Variants in EYA1 observed in about 807,000 individuals in gnomAD.
EYA1 encodes protein phosphatase EYA1.
In EYA1, 16 loss-of-function variants were observed where a neutral mutation model predicts 82.0. The ratio of observed to expected loss-of-function variants is 0.20; its 90% CI spans 0.13 to 0.30. The LOEUF is 0.30. Among genes scored for constraint, EYA1 ranks in the 10% least tolerant of loss-of-function variants. The pLI, the probability that EYA1 is intolerant of heterozygous loss-of-function variation, is 1.00. For synonymous variants in EYA1, 261 were observed against 264.4 expected (o/e 0.99, Z 0.12); for missense variants, 633 against 730.7 (o/e 0.87, Z 1.54).
intron 2 of EYA1, among the ~76,000 whole-genome samples, chr8:71,520,440 T>C (rs552296514): frequency 6.6e-6 from 1 of 152,332 alleles, no homozygotes; most frequent in South Asian, 2.1e-4. Context: ...TGGCAGTTTG[T>C]TTTTGACTGT....
chr8:71,268,048 A>G (rs1563727187), intron 11 of EYA1, among the ~76,000 whole-genome samples: 1 of 152,252 alleles, frequency 6.6e-6, no homozygotes. Flanking sequence ...TTTCTAGGTT[A>G]AGTGTAAGTT....
chr8:71,524,813 T>C (rs1813689854), intron 2 of EYA1, among the ~76,000 whole-genome samples: 1 of 152,174 alleles, frequency 6.6e-6, no homozygotes, highest in Non-Finnish European at 1.5e-5. Context: ...TATTTCAAAA[T>C]GAAAAAAACC....
At chr8:71,504,785 T>G (rs1812065578) in intron 2 of EYA1, among the ~76,000 whole-genome samples, 1 of 152,012 alleles carries the variant, frequency 6.6e-6, no homozygotes, top group Non-Finnish European at 1.5e-5. Flanking sequence ...AATGACTGCT[T>G]TTTGCTGTTG....
intron 2 of EYA1, among the ~76,000 whole-genome samples, chr8:71,432,506 C>A (rs1202961818): frequency 6.6e-6 from 1 of 152,162 alleles, no homozygotes; most frequent in Non-Finnish European, 1.5e-5. Context: ...AAGATCAAGG[C>A]ATCTTTGGTT....
chr8:71,390,697 C>G (rs1231655341), intron 2 of EYA1, among the ~76,000 whole-genome samples: 1 of 152,078 alleles, frequency 6.6e-6, no homozygotes, highest in African/African-American at 2.4e-5. Context: ...AGAACCTAGT[C>G]TGATTTCACT....
intron 2 of EYA1, among the ~76,000 whole-genome samples, chr8:71,466,064 GA>G (rs1049111251): frequency 6.6e-6 from 1 of 152,094 alleles, no homozygotes; most frequent in Non-Finnish European, 1.5e-5. Flanking sequence ...CTTTGTGCAG[GA>G]AAATAATTTT....
At chr8:71,488,890 ATCCCT>A (rs1810778568) in intron 2 of EYA1, among the ~76,000 whole-genome samples, 2 of 152,240 alleles carry the variant, frequency 1.3e-5, no homozygotes, top group Admixed American at 1.3e-4. Flanking sequence ...ACTGCACTGC[ATCCCT>A]TCAGCCTCTC....
chr8:71,346,456 C>A (rs2016619), intron 3 of EYA1, among the ~76,000 whole-genome samples: 30,589 of 93,222 alleles, frequency 0.33, 4,512 homozygotes, highest in East Asian at 0.57. Flanking sequence ...ATATATATAT[C>A]TATATATATC....
At chr8:71,307,877 T>C (rs148616793) in intron 7 of EYA1, among the ~76,000 whole-genome samples, 74 of 152,340 alleles carry the variant, frequency 4.9e-4, no homozygotes, top group African/African-American at 1.8e-3. Context: ...CTCACTCTCA[T>C]AGCTCAGACA....
At chr8:71,403,580 G>A (rs1255062639) in intron 2 of EYA1, 1 of 152,026 alleles carries the variant, frequency 6.6e-6, no homozygotes, top group Non-Finnish European at 1.5e-5. Flanking sequence ...GCACCATTTT[G>A]GTTACTGCAA....
At position 71,199,326 on chromosome 8, in the gene EYA1, A is replaced by C. The variant is rs1806628302; in HGVS notation, c.*14T>G. 6.3e-7 allele frequency: 1 copy of C among 1,591,980 alleles called. No homozygotes were observed. The highest frequency in any genetic ancestry group is 1.7e-5 in the Admixed American group (1 of 59,780). ...TCACAGAGCAGCTGTGCGCTGTCAA[A>C]GTGCCGAGCGCTGTTACAGGTACTC... On this transcript the variant is annotated 3_prime_UTR_variant, in exon 18 of 18. Coordinates refer to ENST00000340726, the MANE Select transcript of EYA1 (RefSeq NM_000503.6).
chr8:71,532,164 G>A (rs1007861595), intron 2 of EYA1, among the ~76,000 whole-genome samples: 7 of 152,044 alleles, frequency 4.6e-5, no homozygotes, highest in African/African-American at 1.7e-4. Context: ...AGAATTTTTA[G>A]CTTCAAATCT....
intron 2 of EYA1, among the ~76,000 whole-genome samples, chr8:71,355,679 TAAC>T (rs927133062): frequency 5.3e-5 from 8 of 152,170 alleles, no homozygotes; most frequent in African/African-American, 1.9e-4. Context: ...CTCTGGGAAA[TAAC>T]AACAATTCTA....
chr8:71,349,463 G>C (rs1228163517), intron 3 of EYA1, among the ~76,000 whole-genome samples: 1 of 152,200 alleles, frequency 6.6e-6, no homozygotes, highest in Non-Finnish European at 1.5e-5. Flanking sequence ...TCTGGACTCA[G>C]AACTTAATTC....
chr8:71,487,666 A>G (rs1219169855), intron 2 of EYA1, among the ~76,000 whole-genome samples: 1 of 152,230 alleles, frequency 6.6e-6, no homozygotes, highest in Non-Finnish European at 1.5e-5. Context: ...AATGGGCAAA[A>G]GAGATGAACA....
At chr8:71,479,435 C>A (rs1809935223) in intron 2 of EYA1, among the ~76,000 whole-genome samples, 1 of 152,076 alleles carries the variant, frequency 6.6e-6, no homozygotes, top group African/African-American at 2.4e-5. Flanking sequence ...TTTTAACATG[C>A]TATGTAATTT....
chr8:71,411,699 G>T (rs1222235969), intron 2 of EYA1, among the ~76,000 whole-genome samples: 1 of 148,468 alleles, frequency 6.7e-6, no homozygotes, highest in Non-Finnish European at 1.5e-5. Flanking sequence ...ACACCAGTTA[G>T]AATGGCAATC....
intron 2 of EYA1, among the ~76,000 whole-genome samples, chr8:71,379,681 A>G (rs532624979): frequency 3.0e-4 from 45 of 152,304 alleles, no homozygotes; most frequent in Non-Finnish European, 5.9e-4. Flanking sequence ...TCTGCCCTCA[A>G]CACTGTACCC....
intron 2 of EYA1, chr8:71,404,488 T>C (rs1830108986): frequency 1.3e-5 from 2 of 152,244 alleles, no homozygotes; most frequent in African/African-American, 4.8e-5. Flanking sequence ...AATATATTTT[T>C]ACTGAATTGT....
Sources: gnomAD v4.1 joint callset for allele counts (sites outside exome capture counted in the v4.1 genomes callset) on GRCh38, gnomAD v4.1.1 for gene constraint, MANE v1.5 for transcripts, NCBI Gene and HGNC (gene_info 2026-07-23, HGNC 2026-07-21) for gene names.